SOX5: variants seen among roughly 807,000 people sequenced by gnomAD.
The protein encoded by SOX5 is SRY-box transcription factor 5, also known as transcription factor SOX-5.
In SOX5, 9 loss-of-function variants were observed where a neutral mutation model predicts 92.0. The ratio of observed to expected loss-of-function variants is 0.10; its 90% CI spans 0.06 to 0.17. The LOEUF is 0.17. Ranked by LOEUF, SOX5 falls within the 10% of genes least tolerant of loss-of-function variation. The pLI is 1.00. For missense variants in SOX5, 642 were observed against 944.5 expected, an observed-to-expected ratio of 0.68 and a Z score of 4.20; for synonymous variants, 344 against 336.3, an observed-to-expected ratio of 1.02 and a Z score of -0.25.
At chr12:23,914,594 T>C (rs989682627) in intron 1 of SOX5, among the ~76,000 whole-genome samples, 2 of 152,082 alleles carry the variant, frequency 1.3e-5, no homozygotes, top group African/African-American at 4.8e-5. Context: ...AACAACAAAA[T>C]ATGTAAATGT....
At chr12:23,861,026 C>T (rs1191525621) in intron 2 of SOX5, among the ~76,000 whole-genome samples, 1 of 135,064 alleles carries the variant, frequency 7.4e-6, no homozygotes, top group African/African-American at 2.8e-5. Context: ...ATATGTCAAA[C>T]AGAGAGAGAA....
chr12:24,448,885 G>A (rs567112896), intron 1 of SOX5, among the ~76,000 whole-genome samples: 6 of 152,054 alleles, frequency 3.9e-5, no homozygotes, highest in African/African-American at 1.4e-4. Context: ...CCATCTTAAT[G>A]TGTCCAAAAC....
chr12:23,809,152 C>T (rs537031362), intron 3 of SOX5, among the ~76,000 whole-genome samples: 12 of 152,014 alleles, frequency 7.9e-5, no homozygotes, highest in Middle Eastern at 3.4e-3. Flanking sequence ...GATATTTCTA[C>T]GTGTTTATAT....
intron 1 of SOX5, among the ~76,000 whole-genome samples, chr12:24,529,939 G>A (rs1800988571): frequency 6.9e-6 from 1 of 145,364 alleles, no homozygotes; most frequent in African/African-American, 2.5e-5. Flanking sequence ...AGAATGGCGT[G>A]AACCCGGGAG....
At chr12:23,817,327 TC>T (rs2096014392) in intron 3 of SOX5, among the ~76,000 whole-genome samples, 1 of 152,218 alleles carries the variant, frequency 6.6e-6, no homozygotes, top group Non-Finnish European at 1.5e-5. Flanking sequence ...CAAGATAATA[TC>T]CTCTACTCTT....
chr12:23,893,643 T>C (rs75783154), intron 2 of SOX5, among the ~76,000 whole-genome samples: 1,989 of 152,308 alleles, frequency 0.013, 11 homozygotes, highest in Non-Finnish European at 0.024. Context: ...CAAATGTATA[T>C]GTTTGTATTT....
rs560414119 is a variant in SOX5 at position 24,442,486 on chromosome 12, A to C, written c.-250-73847T>G. ...AACCAAAGAGAAAAATAAAGCAAAGAAGAGAGAGAGATTGTCATAGGGCCA... is the reference window on the plus strand; with the variant it reads ...AACCAAAGAGAAAAATAAAGCAAAGCAGAGAGAGAGATTGTCATAGGGCCA... On this transcript the variant is annotated intron_variant, in intron 1 of 4. Transcript: ENST00000446891. Among the ~76,000 whole-genome samples, 17 of 152,308 alleles carry C rather than the reference A, an allele frequency of 1.1e-4. 1 individual carries two copies. The highest frequency in any genetic ancestry group is 7.8e-4 in the Admixed American group (12 of 15,290).
chr12:24,371,999 A>G (rs1021557158), intron 1 of SOX5, among the ~76,000 whole-genome samples: 19 of 151,404 alleles, frequency 1.3e-4, no homozygotes, highest in East Asian at 3.9e-4. Flanking sequence ...AAAAAAAAAA[A>G]AGAGAGAGAG....
chr12:23,816,049 G>C (rs1202778848), intron 3 of SOX5, among the ~76,000 whole-genome samples: 1 of 151,852 alleles, frequency 6.6e-6, no homozygotes, highest in Non-Finnish European at 1.5e-5. Context: ...CATTATTCTT[G>C]TTTTAATTTT....
chr12:23,849,763 T>C (rs981825344), intron 2 of SOX5, among the ~76,000 whole-genome samples: 1 of 152,154 alleles, frequency 6.6e-6, no homozygotes, highest in South Asian at 2.1e-4. Context: ...TATCTACTGG[T>C]TCATGTCATA....
intron 3 of SOX5, among the ~76,000 whole-genome samples, chr12:23,788,019 T>C (rs2095411468): frequency 6.6e-6 from 1 of 151,580 alleles, no homozygotes; most frequent in African/African-American, 2.4e-5. Context: ...TATTGGAATT[T>C]GAATATATAT....
At chr12:24,396,232 A>G (rs1474311869) in intron 1 of SOX5, among the ~76,000 whole-genome samples, 2 of 152,136 alleles carry the variant, frequency 1.3e-5, no homozygotes. Context: ...TCATTTGCTG[A>G]TGTTAATTCT....
intron 2 of SOX5, among the ~76,000 whole-genome samples, chr12:23,850,209 T>C (rs967921638): frequency 1.3e-5 from 2 of 152,132 alleles, no homozygotes; most frequent in South Asian, 2.1e-4. Flanking sequence ...GGTGGGCAGA[T>C]CACGAGGTCA....
chr12:24,206,571 A>T (rs1047153581), intron 4 of SOX5, among the ~76,000 whole-genome samples: 8 of 150,704 alleles, frequency 5.3e-5, no homozygotes, highest in African/African-American at 1.9e-4. Context: ...CCCCCCAAAA[A>T]ACATCAACCG....
chr12:24,376,635 G>GCATTGT (rs1957285327), intron 1 of SOX5, among the ~76,000 whole-genome samples: 1 of 140,888 alleles, frequency 7.1e-6, no homozygotes, highest in Non-Finnish European at 1.5e-5. Context: ...AATGTGCTAA[G>GCATTGT]CATTGTCATG....
At chr12:24,258,918 T>C (rs1011872935) in intron 3 of SOX5, among the ~76,000 whole-genome samples, 10 of 152,210 alleles carry the variant, frequency 6.6e-5, no homozygotes, top group Non-Finnish European at 1.5e-5. Context: ...GATCGCACAG[T>C]TAGACAACGG....
intron 2 of SOX5, among the ~76,000 whole-genome samples, chr12:24,305,537 C>T (rs141280761): frequency 4.9e-4 from 75 of 152,234 alleles, no homozygotes; most frequent in African/African-American, 1.7e-3. Context: ...TTAATCTTTG[C>T]GAGATTTCTA....
intron 3 of SOX5, chr12:24,230,673 G>C (rs1291770577): frequency 6.6e-6 from 1 of 152,114 alleles, no homozygotes; most frequent in East Asian, 1.9e-4. Flanking sequence ...TTAAGATCAG[G>C]GTTCAAACTA....
chr12:23,806,003 A>C (rs2095763368), intron 3 of SOX5, among the ~76,000 whole-genome samples: 1 of 152,216 alleles, frequency 6.6e-6, no homozygotes, highest in Non-Finnish European at 1.5e-5. Context: ...CAATTTATAA[A>C]ATTAGGAATA....
Sources: gnomAD v4.1 joint callset for allele counts (sites outside exome capture counted in the v4.1 genomes callset) on GRCh38, gnomAD v4.1.1 for gene constraint, MANE v1.5 for transcripts, NCBI Gene and HGNC (gene_info 2026-07-23, HGNC 2026-07-21) for gene names.